Variants in PRSS8 observed in about 807,000 individuals in gnomAD.
PRSS8 encodes prostasin.
PRSS8 carries 11 observed loss-of-function variants against 26.7 expected under a neutral mutation model. The observed-to-expected ratio is 0.41, with a 90% CI of 0.26 to 0.68. The LOEUF (loss-of-function observed/expected upper bound fraction) is 0.68. Ranked by LOEUF, PRSS8 falls within the 30% of genes least tolerant of loss-of-function variation. PRSS8 has a pLI of 0.30. For missense variants in PRSS8, 362 were observed against 443.5 expected (o/e 0.82, Z 1.65); for synonymous variants, 183 against 187.0 (o/e 0.98, Z 0.17).
chr16:31,133,391 G>T lies in PRSS8; in HGVS notation c.104-3C>A, dbSNP rs748273526. On this transcript the variant is annotated splice_region_variant and splice_polypyrimidine_tract_variant and intron_variant, in intron 2 of 5. Transcript: ENST00000317508. This position sits in a 1 kb window ranked among gnomAD's most constrained non-coding sequence, Gnocchi z 4.7. The stretch of plus-strand genomic sequence containing the variant: ...TTGGGGGGCCACACCGCAGGGAGCT[G>T]CCCAGGGAGGAAGGGAAGGGGTCAG... 1 of 1,613,632 alleles carries T rather than the reference G, an allele frequency of 6.2e-7. No individual in the cohort carries two copies. Among genetic ancestry groups the T allele is most frequent in the South Asian group, 1.1e-5 (1 of 91,076 alleles).
Position 31,132,471 on chromosome 16 carries a change from C to G in PRSS8, c.663G>C (p.Met221Ile). Reference protein sequence around the residue: ...PEEPHFVQEDMVCAGYVEGGK... With the variant: ...PEEPHFVQEDIVCAGYVEGGK... ...CCCCCTCCACATAGCCAGCACACAC[C>G]ATGTCCTCTTGGACAAAGTGCGGCT... Residue 221 changes from methionine (M) to isoleucine (I), a missense_variant, in exon 5 of 6, where the codon ATG becomes ATC. Met to Ile is a conservative substitution (Grantham distance 10). Transcript: ENST00000317508. The surrounding 1 kb of genome is among the most constrained non-coding windows in gnomAD (Gnocchi z 5.2). 6.2e-7 allele frequency: 1 copy of G among 1,614,046 alleles called. No homozygotes were observed. The highest frequency in any genetic ancestry group is 1.1e-5 in the South Asian group (1 of 91,092).
chr16:31,133,124 G>C lies in PRSS8; in HGVS notation c.266+102C>G. The C allele has an allele frequency of 1.3e-6, 2 of 1,589,020 alleles. No individual in the cohort carries two copies. Among genetic ancestry groups the C allele is most frequent in the South Asian group, 2.2e-5 (2 of 89,974 alleles). ...CTCCTAACTGGTCCTTCCAGACTTA[G>C]AACTGACACTCTCAGACCCAACCCA... On this transcript the variant is annotated intron_variant, in intron 3 of 5. Transcript: ENST00000317508. The surrounding 1 kb of genome is among the most constrained non-coding windows in gnomAD (Gnocchi z 4.7).
chr16:31,133,117 A>G lies in PRSS8; in HGVS notation c.266+109T>C. The G allele has an allele frequency of 1.3e-6, 2 of 1,585,142 alleles. No individual in the cohort carries two copies. Among genetic ancestry groups the G allele is most frequent in the South Asian group, 2.2e-5 (2 of 89,824 alleles). ...ACCTTCACTCCTAACTGGTCCTTCC[A>G]GACTTAGAACTGACACTCTCAGACC... is the stretch of plus-strand genomic sequence containing the variant. On this transcript the variant is annotated intron_variant, in intron 3 of 5. Coordinates refer to ENST00000317508, the MANE Select transcript of PRSS8 (RefSeq NM_002773.5). This position sits in a 1 kb window ranked among gnomAD's most constrained non-coding sequence, Gnocchi z 4.7.
chr16:31,135,109 A>G (rs1306150617), intron 2 of PRSS8, 45 bp downstream of exon 2: 1 of 1,605,302 alleles, frequency 6.2e-7, no homozygotes, highest in East Asian at 2.2e-5. Context: ...AATCCGATCC[A>G]AGTCACCTCC....
At chr16:31,134,926 A>G in intron 2 of PRSS8, 1 of 585,188 alleles carries the variant, frequency 1.7e-6, no homozygotes, top group Non-Finnish European at 3.0e-6. Context: ...CCACTTTGGG[A>G]GTCAGACGTG....
intron 2 of PRSS8, chr16:31,134,421 A>G (rs1421647294): frequency 6.6e-6 from 1 of 152,400 alleles, no homozygotes. Flanking sequence ...GGCTTAGAGA[A>G]GTGGGGGGAC....
chr16:31,135,223 G>T (rs1436200153), intron 1 of PRSS8, 52 bp from the exon 2 acceptor site: 2 of 1,610,816 alleles, frequency 1.2e-6, no homozygotes, highest in African/African-American at 1.3e-5. Context: ...CGGGTTCCCT[G>T]ACCCCTTAGT....
rs940669367 is a variant in PRSS8 at position 31,134,733 on chromosome 16, T to A, written c.103+421A>T. 9 of 216,016 alleles carry A rather than the reference T, an allele frequency of 4.2e-5. No individual in the cohort carries two copies. The Admixed American group carries it at 4.2e-4, about 10-fold the overall frequency. 13.4% of individuals were successfully genotyped at this position (216,016 alleles called of 1,614,324 possible). ...CTAGCTGGGTGTGATGGCATGCACC[T>A]GTAGTCCCAGCCACTAGGGAGGCTG... is the stretch of plus-strand genomic sequence containing the variant. On this transcript the variant is annotated intron_variant, in intron 2 of 5. Transcript: ENST00000317508.
Position 31,131,631 on chromosome 16 carries a change from A to G in PRSS8, c.*378T>C, listed in dbSNP as rs1596828885. On this transcript the variant is annotated 3_prime_UTR_variant, in exon 6 of 6. Transcript: ENST00000317508. ...TGGCCCCAGCCCAGAACACAGGGAG[A>G]GGGCAGAGAGATGTGCTCATCAGTC... 1 of 415,220 alleles carries G rather than the reference A, an allele frequency of 2.4e-6. No individual in the cohort carries two copies. Among genetic ancestry groups the G allele is most frequent in the East Asian group, 4.3e-5 (1 of 23,162 alleles). The allele number at this position is 415,220 out of a possible 1,614,324, so 25.7% of individuals were successfully genotyped here. A position where few individuals can be genotyped will look rare whatever the true frequency, so the allele number is the denominator to read the frequency against.
At chr16:31,135,090 C>A in intron 2 of PRSS8, 64 bp downstream of exon 2, 1 of 1,586,608 alleles carries the variant, frequency 6.3e-7, no homozygotes, top group African/African-American at 1.3e-5. Context: ...ACTGGTTAAA[C>A]CCCAGGGGAA....
At position 31,133,117 on chromosome 16, in the gene PRSS8, A is replaced by C; in HGVS notation, c.266+109T>G. The C allele has an allele frequency of 6.3e-7, 1 of 1,585,144 alleles. No homozygotes were observed. The highest frequency in any genetic ancestry group is 2.2e-5 in the East Asian group (1 of 44,594). On this transcript the variant is annotated intron_variant, in intron 3 of 5. Coordinates refer to ENST00000317508, the MANE Select transcript of PRSS8 (RefSeq NM_002773.5). The surrounding 1 kb of genome is among the most constrained non-coding windows in gnomAD (Gnocchi z 4.7). Reference sequence around the variant, plus strand: ...ACCTTCACTCCTAACTGGTCCTTCCAGACTTAGAACTGACACTCTCAGACC... The same window carrying C: ...ACCTTCACTCCTAACTGGTCCTTCCCGACTTAGAACTGACACTCTCAGACC...
chr16:31,135,006 G>T, intron 2 of PRSS8, 148 bp downstream of exon 2: 5 of 962,132 alleles, frequency 5.2e-6, no homozygotes, highest in Non-Finnish European at 6.2e-6. Context: ...TGCCCATAAG[G>T]TGAGGGCTAA....
In PRSS8 at chr16:31,132,792, G is replaced by T. The variant is rs765697014; in HGVS notation, c.428C>A (p.Pro143His). The T allele has an allele frequency of 1.1e-5, 18 of 1,613,848 alleles. No individual in the cohort carries two copies. Among genetic ancestry groups the T allele is most frequent in the Non-Finnish European group, 1.4e-5 (17 of 1,179,878 alleles). Residue 143 changes from proline (P) to histidine (H), a missense_variant, in exon 4 of 6, where the codon CCC becomes CAC. Pro to His is a moderately conservative substitution (Grantham distance 77, BLOSUM62 -2). Coordinates refer to ENST00000317508, the MANE Select transcript of PRSS8 (RefSeq NM_002773.5). The surrounding 1 kb of genome is among the most constrained non-coding windows in gnomAD (Gnocchi z 5.2). ...GDIALLQLSR[P>H]ITFSRYIRPI... The stretch of plus-strand genomic sequence containing the variant: ...CCGGATGTAGCGGGAGAAGGTGATG[G>T]GTCTGCTGAGTTGGAGGAGTGCAAT...
chr16:31,133,460 T>A lies in PRSS8; in HGVS notation c.104-72A>T. On this transcript the variant is annotated intron_variant, in intron 2 of 5. Transcript: ENST00000317508. This position sits in a 1 kb window ranked among gnomAD's most constrained non-coding sequence, Gnocchi z 4.7. ...CCTATGCAGCCCAGGAGCTCTGATA[T>A]AGAGCTTGGGAAGTGGGTTCACAGG... 6.4e-7 allele frequency: 1 copy of A among 1,564,094 alleles called. No homozygotes were observed. Among genetic ancestry groups the A allele is most frequent in the African/African-American group, 1.3e-5 (1 of 74,180 alleles).
chr16:31,132,983 A>G lies in PRSS8; in HGVS notation c.267-30T>C, dbSNP rs370034355. 2 of 1,590,714 alleles carry G rather than the reference A, an allele frequency of 1.3e-6. No homozygotes were observed. The highest frequency in any genetic ancestry group is 8.6e-7 in the Non-Finnish European group (1 of 1,168,238). The stretch of plus-strand genomic sequence containing the variant: ...AGGCAGGGGGCAAAGGCTGAGACCC[A>G]GGAGACCTCTCCTTGTTCCCCAACC... On this transcript the variant is annotated intron_variant, in intron 3 of 5. Coordinates refer to ENST00000317508, the MANE Select transcript of PRSS8 (RefSeq NM_002773.5). This position sits in a 1 kb window ranked among gnomAD's most constrained non-coding sequence, Gnocchi z 5.2.
At position 31,132,477 on chromosome 16, in the gene PRSS8, C is replaced by T. The variant is rs370456418; in HGVS notation, c.657G>A (p.Glu219=). The change falls in exon 5 of 6, where the codon GAG becomes GAA. Residue 219 remains glutamate, a synonymous_variant. Coordinates refer to ENST00000317508, the MANE Select transcript of PRSS8 (RefSeq NM_002773.5). The surrounding 1 kb of genome is among the most constrained non-coding windows in gnomAD (Gnocchi z 5.2). ...CCACATAGCCAGCACACACCATGTC[C>T]TCTTGGACAAAGTGCGGCTCCTCAG... The part of the protein sequence containing the change: ...AKPEEPHFVQ[E]DMVCAGYVEG... The T allele has an allele frequency of 6.2e-7, 1 of 1,613,942 alleles. No individual in the cohort carries two copies. Among genetic ancestry groups the T allele is most frequent in the African/African-American group, 1.3e-5 (1 of 74,948 alleles).
At position 31,135,152 on chromosome 16, in the gene PRSS8, A is replaced by G; in HGVS notation, c.103+2T>C. On this transcript the variant is annotated splice_donor_variant, in intron 2 of 5. Transcript: ENST00000317508. LOFTEE classifies it high-confidence loss of function. ...CTCCTCCCTCTCCGAGGAAAGTCTC[A>G]CCTTCTGCCCCTTCCGCTCCTAGAA... 1 of 1,612,264 alleles carries G rather than the reference A, an allele frequency of 6.2e-7. No individual in the cohort carries two copies. Among genetic ancestry groups the G allele is most frequent in the Non-Finnish European group, 8.5e-7 (1 of 1,179,204 alleles).
Position 31,133,044 on chromosome 16 carries a change from T to A in PRSS8, c.267-91A>T. The A allele has an allele frequency of 6.3e-7, 1 of 1,584,938 alleles. No homozygotes were observed. ...ACCCCTGATTCCGATCAGCCCCTTT[T>A]AGGTCTCAAATTGCACCTTAGTTTT... On this transcript the variant is annotated intron_variant, in intron 3 of 5. Transcript: ENST00000317508. This position sits in a 1 kb window ranked among gnomAD's most constrained non-coding sequence, Gnocchi z 4.7.
chr16:31,133,018 A>C lies in PRSS8; in HGVS notation c.267-65T>G. 6.3e-7 allele frequency: 1 copy of C among 1,583,524 alleles called. No homozygotes were observed. The highest frequency in any genetic ancestry group is 1.3e-5 in the African/African-American group (1 of 74,490). On this transcript the variant is annotated intron_variant, in intron 3 of 5. Coordinates refer to ENST00000317508, the MANE Select transcript of PRSS8 (RefSeq NM_002773.5). The surrounding 1 kb of genome is among the most constrained non-coding windows in gnomAD (Gnocchi z 4.7). ...TCCTTGTTCCCCAACCCCCACTGCC[A>C]ACCCCTGATTCCGATCAGCCCCTTT...
Sources: gnomAD v4.1 joint callset for allele counts on GRCh38, gnomAD v4.1.1 for gene constraint, Gnocchi (gnomAD v3.1) non-coding constraint, MANE v1.5 for transcripts, NCBI Gene and HGNC (gene_info 2026-07-23, HGNC 2026-07-21) for gene names.